TMCO5A: variants seen among roughly 807,000 people sequenced by gnomAD.
The protein encoded by TMCO5A is transmembrane and coiled-coil domains 5A, also known as transmembrane and coiled-coil domain-containing protein 5A.
In TMCO5A, 34 loss-of-function variants were observed where a neutral mutation model predicts 42.3. The observed-to-expected ratio is 0.80, with a 90% confidence interval of 0.61 to 1.07. TMCO5A has a LOEUF of 1.07. TMCO5A is among the 50% of genes least tolerant of loss of function. The pLI is 0.00. For synonymous variants in TMCO5A, 131 were observed against 115.6 expected (o/e 1.13, Z -0.86); for missense variants, 357 against 327.9 (o/e 1.09, Z -0.69).
the TMCO5A span, among the ~76,000 whole-genome samples, chr15:37,990,256 T>C: frequency 1.3e-5 from 2 of 152,230 alleles, no homozygotes; most frequent in East Asian, 1.9e-4. Flanking sequence ...GTAAATCTAC[T>C]TCTCCCTCCA....
At chr15:37,934,864 T>C (rs1300043224) in intron 1 of TMCO5A, among the ~76,000 whole-genome samples, 170 bp downstream of exon 1, 1 of 152,182 alleles carries the variant, frequency 6.6e-6, no homozygotes, top group Non-Finnish European at 1.5e-5. Context: ...TTCAGGGATA[T>C]TGTAAACCTA....
At chr15:37,977,008 G>A in the TMCO5A span, among the ~76,000 whole-genome samples, 1 of 152,140 alleles carries the variant, frequency 6.6e-6, no homozygotes, top group African/African-American at 2.4e-5. Context: ...CTATCTTAAA[G>A]TGACCTGCCC....
the TMCO5A span, among the ~76,000 whole-genome samples, chr15:38,014,853 T>TTTTATA: frequency 9.2e-5 from 5 of 54,632 alleles, no homozygotes; most frequent in African/African-American, 3.8e-4. Flanking sequence ...AGGAGAAAGA[T>TTTTATA]TATATATATA....
At chr15:37,935,214 C>G (rs886157372) in intron 1 of TMCO5A, 43 bp from the exon 2 acceptor site, 1 of 151,988 alleles carries the variant, frequency 6.6e-6, no homozygotes, top group Non-Finnish European at 1.5e-5. Flanking sequence ...ATAAATGAAC[C>G]CATTTCTCCA....
chr15:37,986,443 T>C, the TMCO5A span, among the ~76,000 whole-genome samples: 1,419 of 150,396 alleles, frequency 9.4e-3, 13 homozygotes, highest in Middle Eastern at 0.014. Flanking sequence ...AGCATTTTTA[T>C]TGTGGTAAAA....
At chr15:37,966,981 C>T (rs1030948499) in exon 12 of TMCO5A, 84 of 322,778 alleles carry the variant, frequency 2.6e-4, no homozygotes, top group African/African-American at 1.1e-3. Flanking sequence ...ATGCTGGACA[C>T]GCAAAAGCAG....
At chr15:37,961,114 C>T (rs1255590454) in intron 11 of TMCO5A, among the ~76,000 whole-genome samples, 1 of 152,024 alleles carries the variant, frequency 6.6e-6, no homozygotes, top group Non-Finnish European at 1.5e-5. Context: ...AAATCCTTGC[C>T]TAAGCCAATG....
chr15:37,971,971 C>T (rs1317987659), downstream of TMCO5A, among the ~76,000 whole-genome samples: 3 of 152,208 alleles, frequency 2.0e-5, no homozygotes, highest in African/African-American at 4.8e-5. Context: ...CCAACCTCTG[C>T]CTGTTACCAA....
chr15:38,000,897 T>G, the TMCO5A span, among the ~76,000 whole-genome samples: 1 of 152,220 alleles, frequency 6.6e-6, no homozygotes, highest in Admixed American at 6.5e-5. Context: ...TTTGAATTTT[T>G]AAGACATTCT....
chr15:37,988,755 T>C, the TMCO5A span, among the ~76,000 whole-genome samples: 1 of 152,164 alleles, frequency 6.6e-6, no homozygotes, highest in Non-Finnish European at 1.5e-5. Flanking sequence ...TTGCTAGTAT[T>C]TTGTTAAAGA....
the TMCO5A span, among the ~76,000 whole-genome samples, chr15:38,012,383 T>G: frequency 2.8e-4 from 42 of 152,196 alleles, no homozygotes; most frequent in African/African-American, 1.0e-3. Context: ...TATCGATTTT[T>G]TGAGCAGAAA....
chr15:37,961,728 T>C (rs1890432800), intron 11 of TMCO5A, among the ~76,000 whole-genome samples: 1 of 152,090 alleles, frequency 6.6e-6, no homozygotes, highest in Non-Finnish European at 1.5e-5. Context: ...TTTTTCAGTT[T>C]TTCTTGTAGA....
intron 11 of TMCO5A, among the ~76,000 whole-genome samples, chr15:37,963,791 C>A (rs1024018795): frequency 2.0e-5 from 3 of 152,134 alleles, no homozygotes; most frequent in African/African-American, 7.2e-5. Flanking sequence ...CAAGGCCTTT[C>A]GCCATTATAC....
chr15:37,946,875 A>G (rs761299072), intron 10 of TMCO5A, among the ~76,000 whole-genome samples: 7 of 152,176 alleles, frequency 4.6e-5, no homozygotes, highest in Admixed American at 1.3e-4. Context: ...CCTGGCCAGA[A>G]CTTCCAATGC....
chr15:38,032,782 C>T, the TMCO5A span, among the ~76,000 whole-genome samples: 2 of 152,132 alleles, frequency 1.3e-5, no homozygotes, highest in Non-Finnish European at 2.9e-5. Flanking sequence ...GTCTTACTTC[C>T]CTAATGGACT....
intron 11 of TMCO5A, 121 bp from the exon 12 acceptor site, chr15:37,950,915 A>T: frequency 1.2e-6 from 1 of 803,862 alleles, no homozygotes; most frequent in Non-Finnish European, 2.0e-6. Context: ...GTTGTCAGGA[A>T]AGGGGGTGAT....
At chr15:37,962,303 A>G (rs1890450189) in intron 11 of TMCO5A, among the ~76,000 whole-genome samples, 1 of 151,754 alleles carries the variant, frequency 6.6e-6, no homozygotes, top group African/African-American at 2.4e-5. Flanking sequence ...TGATCATGTG[A>G]TTTTGGTTTT....
At chr15:38,015,945 G>A in the TMCO5A span, among the ~76,000 whole-genome samples, 2 of 152,148 alleles carry the variant, frequency 1.3e-5, no homozygotes, top group Non-Finnish European at 2.9e-5. Context: ...GGATTTTTAG[G>A]GCAGTGAAAT....
At chr15:37,994,653 T>C in the TMCO5A span, 1 of 152,202 alleles carries the variant, frequency 6.6e-6, no homozygotes, top group Non-Finnish European at 1.5e-5. Flanking sequence ...GTTCCATAAA[T>C]GGCTGCCTAC....
Sources: allele counts gnomAD v4.1 joint callset (sites outside exome capture counted in the v4.1 genomes callset), GRCh38; gene constraint gnomAD v4.1.1; transcripts MANE v1.5; gene names NCBI Gene and HGNC (gene_info 2026-07-23, HGNC 2026-07-21).